RTN3: variants seen among roughly 807,000 people sequenced by gnomAD.
The protein encoded by RTN3 is reticulon-3.
RTN3 carries 49 observed loss-of-function variants against 77.8 expected under a neutral mutation model. That is an observed-to-expected ratio of 0.63 (90% CI 0.50 to 0.80). RTN3 has a LOEUF of 0.80. Ranked by LOEUF, RTN3 falls within the 30% of genes least tolerant of loss-of-function variation. RTN3 has a pLI of 0.00. For missense variants in RTN3, 1,236 were observed against 1,211.9 expected (o/e 1.02, Z -0.29); for synonymous variants, 464 against 446.9 (o/e 1.04, Z -0.48).
chr11:63,720,333 C>T lies in RTN3; in HGVS notation c.1831C>T (p.Leu611Phe). 6.2e-7 allele frequency: 1 copy of T among 1,613,936 alleles called. No homozygotes were observed. Residue 611 changes from leucine to phenylalanine, a missense_variant, in exon 3 of 9, where the codon CTT becomes TTT. This residue lies in a region of RTN3 where 1,056 missense variants were observed against 990.4 expected (regional missense o/e 1.07). Coordinates refer to ENST00000377819, the MANE Select transcript of RTN3 (RefSeq NM_001265589.2). ...GCCTATTACTACTGAGAACCCCAAA[C>T]TTCCTTCAACAGTGTCTCCAAATGT... ...EKPITTENPKLPSTVSPNVFN... is the reference protein window; with the variant it reads ...EKPITTENPKFPSTVSPNVFN...
intron 3 of RTN3, among the ~76,000 whole-genome samples, chr11:63,742,943 C>T (rs1373148453): frequency 2.0e-5 from 3 of 152,110 alleles, no homozygotes; most frequent in East Asian, 1.9e-4. Context: ...TGCAGTGGCG[C>T]GATCTCAGCT....
rs112039472 is a variant in RTN3, at chr11:63,752,519, C to T, written c.2751C>T (p.Asp917=). Residue 917 remains aspartate (D), a synonymous_variant, in exon 5 of 9, where the codon GAC becomes GAT. Transcript: ENST00000377819. ...CTTCTTCTGGAAGAGCCTACCTGGA[C>T]GTAGACATTACTCTGTCCTCAGAAG... ...EEGHPFKAYL[D]VDITLSSEAF... is the part of the protein sequence containing the mutation. 21 of 1,613,200 alleles carry T rather than the reference C, an allele frequency of 1.3e-5. No individual in the cohort carries two copies. The highest frequency in any genetic ancestry group is 3.3e-4 in the Middle Eastern group (2 of 6,060).
chr11:63,756,236 C>G, intron 8 of RTN3, 66 bp downstream of exon 8: 2 of 1,104,190 alleles, frequency 1.8e-6, no homozygotes, highest in South Asian at 1.4e-5. Flanking sequence ...TCTTTAGTCC[C>G]TTGTACAAAA....
chr11:63,689,176 CTT>C (rs1791295302), intron 1 of RTN3, among the ~76,000 whole-genome samples: 1 of 152,098 alleles, frequency 6.6e-6, no homozygotes, highest in Non-Finnish European at 1.5e-5. Context: ...AGCTAATACT[CTT>C]TGTATTGTTC....
intron 1 of RTN3, among the ~76,000 whole-genome samples, chr11:63,689,149 AC>A (rs1941525543): frequency 6.6e-6 from 1 of 152,110 alleles, no homozygotes; most frequent in African/African-American, 2.4e-5. Flanking sequence ...TTGTAGTATA[AC>A]TTTTTCTCTT....
At chr11:63,752,081 GT>G (rs1021979385) in intron 4 of RTN3, among the ~76,000 whole-genome samples, 2 of 147,408 alleles carry the variant, frequency 1.4e-5, no homozygotes, top group African/African-American at 2.5e-5. Flanking sequence ...TTTCCAAAAT[GT>G]TTTTTTTAAA....
chr11:63,706,603 C>T (rs1466629652), intron 2 of RTN3, among the ~76,000 whole-genome samples: 1 of 151,988 alleles, frequency 6.6e-6, no homozygotes. Flanking sequence ...CAAATAATGA[C>T]CTCTGAAATT....
intron 1 of RTN3, among the ~76,000 whole-genome samples, chr11:63,684,717 A>G (rs1010060489): frequency 6.6e-6 from 1 of 152,222 alleles, no homozygotes; most frequent in African/African-American, 2.4e-5. Flanking sequence ...TATTTGTTGA[A>G]TAAATTATCA....
At position 63,720,147 on chromosome 11, in the gene RTN3, G is replaced by C. The variant is rs1565322127; in HGVS notation, c.1645G>C (p.Glu549Gln). The C allele has an allele frequency of 3.7e-6, 6 of 1,612,226 alleles. No individual in the cohort carries two copies. The Admixed American group carries it at 1.0e-4, about 27-fold the overall frequency. The change falls in exon 3 of 9, where the codon GAA (glutamate) becomes CAA (glutamine). Residue 549 changes from glutamate to glutamine, a missense_variant. Coordinates refer to ENST00000377819, the MANE Select transcript of RTN3 (RefSeq NM_001265589.2). ...AGAGATTCCCAGTTGTGAGAGAGAA[G>C]AAAAAACATCTAAAAACTTTGAAGA... ...IKEIPSCERE[E>Q]KTSKNFEELV...
chr11:63,699,473 G>A (rs998857649), intron 1 of RTN3, among the ~76,000 whole-genome samples: 2 of 152,060 alleles, frequency 1.3e-5, no homozygotes, highest in Non-Finnish European at 2.9e-5. Context: ...CTTAGTGCGA[G>A]CCCTTATCTC....
At chr11:63,724,695 A>T (rs1006186151) in intron 3 of RTN3, among the ~76,000 whole-genome samples, 1 of 148,698 alleles carries the variant, frequency 6.7e-6, no homozygotes, top group African/African-American at 2.5e-5. Context: ...GTTTCACTAT[A>T]TTGGCCAGGC....
chr11:63,750,857 G>A (rs576779774), intron 4 of RTN3, among the ~76,000 whole-genome samples: 1 of 151,932 alleles, frequency 6.6e-6, no homozygotes, highest in African/African-American at 2.4e-5. Context: ...TCAGCCTCCC[G>A]AGTAGCTGGG....
intron 3 of RTN3, among the ~76,000 whole-genome samples, chr11:63,726,278 C>T (rs1393127492): frequency 6.6e-6 from 1 of 152,150 alleles, no homozygotes; most frequent in Admixed American, 6.6e-5. Flanking sequence ...TAAGAAGAGA[C>T]AGCATGAAAT....
In RTN3 at chr11:63,688,582, T is replaced by C. The variant is rs572457152; in HGVS notation, c.142+6804T>C. Among the ~76,000 whole-genome samples, 3 of 152,248 alleles carry C rather than the reference T, an allele frequency of 2.0e-5. No individual in the cohort carries two copies. In the East Asian group the frequency reaches 5.8e-4, roughly 29 times the overall value. On this transcript the variant is annotated intron_variant, in intron 1 of 8. Transcript: ENST00000377819. ...TCAAATTCACAAGTAATGGAACCAC[T>C]CTGATCAAATTAAACAACCAATCTA...
intron 2 of RTN3, among the ~76,000 whole-genome samples, chr11:63,710,381 C>T (rs987784579): frequency 2.0e-5 from 3 of 151,784 alleles, no homozygotes; most frequent in Non-Finnish European, 4.4e-5. Context: ...ACTTTAAACT[C>T]CCCATCTTGC....
intron 2 of RTN3, 30 bp downstream of exon 2, chr11:63,704,937 G>C (rs1448251330): frequency 1.9e-6 from 3 of 1,544,522 alleles, no homozygotes. Context: ...GTGTGCATTG[G>C]TAAAAGAAAA....
intron 1 of RTN3, among the ~76,000 whole-genome samples, chr11:63,692,760 C>CAA (rs766616194): frequency 1.2e-4 from 15 of 120,420 alleles, no homozygotes; most frequent in African/African-American, 3.7e-4. Context: ...GACTCCGTCT[C>CAA]AAAAAAAAAA....
rs2011232108 is a variant in RTN3 at position 63,713,667 on chromosome 11, T to G, written c.200-5035T>G. Among the ~76,000 whole-genome samples, 3 of 152,060 alleles carry G rather than the reference T, an allele frequency of 2.0e-5. No homozygotes were observed. The South Asian group carries it at 6.2e-4, about 32-fold the overall frequency. On this transcript the variant is annotated intron_variant, in intron 2 of 8. Coordinates refer to ENST00000377819, the MANE Select transcript of RTN3 (RefSeq NM_001265589.2). ...TGACTTTATTTGTTAATAATTAGAG[T>G]AGCACCATGTTTTTAAGTGATTAGA... is the stretch of plus-strand genomic sequence containing the variant.
chr11:63,713,287 T>C (rs1461666107), intron 2 of RTN3, among the ~76,000 whole-genome samples: 2 of 152,076 alleles, frequency 1.3e-5, no homozygotes, highest in African/African-American at 4.8e-5. Context: ...TGTGGGGATA[T>C]GACATTTTTT....
Sources: allele counts gnomAD v4.1 joint callset (sites outside exome capture counted in the v4.1 genomes callset), GRCh38; gene constraint gnomAD v4.1.1; regional missense constraint gnomAD v4.1.1; transcripts MANE v1.5; gene names NCBI Gene and HGNC (gene_info 2026-07-23, HGNC 2026-07-21).